SASH1: variants seen among roughly 807,000 people sequenced by gnomAD.
SASH1 encodes the protein SAM and SH3 domain containing 1, also known as SAM and SH3 domain-containing protein 1.
A neutral mutation model predicts 125.2 loss-of-function variants in SASH1; 44 were observed. That is an observed-to-expected ratio of 0.35 (90% CI 0.28 to 0.45). The LOEUF (loss-of-function observed/expected upper bound fraction) is 0.45. Among genes scored for constraint, SASH1 ranks in the 20% least tolerant of loss-of-function variants. The probability of loss-of-function intolerance (pLI) is 1.00; values close to 1 mark genes in which losing one functional copy is unlikely to be tolerated. For synonymous variants in SASH1, 639 were observed against 649.1 expected, an observed-to-expected ratio of 0.98 and a Z score of 0.24; for missense variants, 1,426 against 1,614.5, an observed-to-expected ratio of 0.88 and a Z score of 2.00.
At chr6:148,422,164 C>T (rs1325321668) in intron 2 of SASH1, among the ~76,000 whole-genome samples, 2 of 152,154 alleles carry the variant, frequency 1.3e-5, no homozygotes, top group African/African-American at 4.8e-5. Context: ...GCACCAATGC[C>T]CAAGAATCCC....
rs369843370 is a variant in SASH1, at chr6:148,319,069, G to A, written n.74+46692G>A. Reference sequence around the variant, plus strand: ...TTTTTTTGAGACGGAGTCTGGCTCTGTAGCCCAGGCTGGAGTGCAGTGGCG... The same window carrying A: ...TTTTTTTGAGACGGAGTCTGGCTCTATAGCCCAGGCTGGAGTGCAGTGGCG... On this transcript the variant is annotated intron_variant and non_coding_transcript_variant, in intron 1 of 3. Coordinates refer to the SASH1 transcript ENST00000367469. Among the ~76,000 whole-genome samples, 10 of 106,730 alleles carry A rather than the reference G, an allele frequency of 9.4e-5. No homozygotes were observed. In the East Asian group the frequency reaches 1.9e-3, roughly 20 times the overall value. The allele number at this position is 106,730 out of a possible 152,430, so 70.0% of individuals were successfully genotyped here.
chr6:148,470,183 G>A (rs1355450482), intron 5 of SASH1, among the ~76,000 whole-genome samples: 2 of 152,330 alleles, frequency 1.3e-5, no homozygotes, highest in East Asian at 3.9e-4. Context: ...AAGGCAGTGG[G>A]TGATACAAAA....
chr6:148,421,227 G>GAAAGAAAGAAAGA (rs1215052788), intron 2 of SASH1, among the ~76,000 whole-genome samples: 10 of 151,540 alleles, frequency 6.6e-5, no homozygotes, highest in Admixed American at 6.6e-5. Context: ...AAGAAAGAAA[G>GAAAGAAAGAAAGA]AAGGAAGTGA....
intron 1 of SASH1, among the ~76,000 whole-genome samples, chr6:148,330,822 G>A (rs1780974799): frequency 6.6e-6 from 1 of 152,164 alleles, no homozygotes; most frequent in Non-Finnish European, 1.5e-5. Context: ...CTGACCTCAG[G>A]TGATCTGCCA....
the SASH1 span, among the ~76,000 whole-genome samples, chr6:148,216,398 A>T: frequency 1.4e-4 from 21 of 151,276 alleles, no homozygotes; most frequent in South Asian, 2.1e-3. Flanking sequence ...ATATTTATTT[A>T]TTTTGGTAAC....
At chr6:148,311,181 A>G (rs1024285273) in intron 1 of SASH1, among the ~76,000 whole-genome samples, 7 of 150,184 alleles carry the variant, frequency 4.7e-5, no homozygotes. Flanking sequence ...GTCTCGGCTC[A>G]CTGCAACATC....
At chr6:148,513,985 G>A (rs2115326864) in intron 8 of SASH1, 2 of 1,008,946 alleles carry the variant, frequency 2.0e-6, no homozygotes, top group South Asian at 8.9e-5. Flanking sequence ...AGTGAAACTG[G>A]AATTACAGGG....
intron 4 of SASH1, among the ~76,000 whole-genome samples, chr6:148,457,159 C>G (rs1339931949): frequency 6.6e-6 from 1 of 151,030 alleles, no homozygotes; most frequent in Non-Finnish European, 1.5e-5. Flanking sequence ...GAATAAAAAG[C>G]AGAATTTCAA....
Position 148,345,689 on chromosome 6 carries a change from G to C in SASH1, c.156+2466G>C, listed in dbSNP as rs1582994735. Among the ~76,000 whole-genome samples the C allele has an allele frequency of 2.0e-5, 3 of 152,310 alleles. No homozygotes were observed. The South Asian group carries it at 6.2e-4, about 32-fold the overall frequency. ...ATTAACAGTTGACTTTATTCTCACT[G>C]AAACAAGAGACACCATTTCCTTCCT... On this transcript the variant is annotated intron_variant, in intron 1 of 19. Coordinates refer to ENST00000367467, the MANE Select transcript of SASH1 (RefSeq NM_015278.5).
At chr6:148,496,778 C>T (rs1415297178) in intron 8 of SASH1, among the ~76,000 whole-genome samples, 1 of 151,584 alleles carries the variant, frequency 6.6e-6, no homozygotes. Context: ...AAGGCTGAGT[C>T]GGGAGGATTT....
At chr6:148,446,943 T>G (rs968135434) in intron 4 of SASH1, among the ~76,000 whole-genome samples, 1 of 152,232 alleles carries the variant, frequency 6.6e-6, no homozygotes, top group Non-Finnish European at 1.5e-5. Context: ...AATGCATTGC[T>G]TATGCAAATA....
At chr6:148,234,438 C>T in the SASH1 span, among the ~76,000 whole-genome samples, 4 of 151,952 alleles carry the variant, frequency 2.6e-5, no homozygotes, top group Non-Finnish European at 5.9e-5. Context: ...GAGGTTTCTG[C>T]AAAGCATCTA....
intron 1 of SASH1, among the ~76,000 whole-genome samples, chr6:148,351,715 C>T (rs1322833468): frequency 7.0e-6 from 1 of 143,838 alleles, no homozygotes; most frequent in African/African-American, 2.6e-5. Flanking sequence ...AAAATGTATC[C>T]TAAGCACCCT....
At chr6:148,409,737 C>A (rs536111002) in intron 2 of SASH1, among the ~76,000 whole-genome samples, 4 of 152,120 alleles carry the variant, frequency 2.6e-5, no homozygotes, top group African/African-American at 9.7e-5. Context: ...AGTTCGAGAC[C>A]AGTCTGGCCA....
At chr6:148,243,512 A>G in the SASH1 span, among the ~76,000 whole-genome samples, 6 of 139,520 alleles carry the variant, frequency 4.3e-5, no homozygotes, top group South Asian at 7.0e-4. Context: ...GTGTGGTGGC[A>G]TGTGCCTGTA....
chr6:148,475,332 C>T (rs1346156345), intron 7 of SASH1, among the ~76,000 whole-genome samples: 2 of 152,174 alleles, frequency 1.3e-5, no homozygotes, highest in Non-Finnish European at 2.9e-5. Context: ...AATTTATTGG[C>T]GCATAGCTCT....
intron 2 of SASH1, among the ~76,000 whole-genome samples, chr6:148,423,092 C>G (rs1775643505): frequency 6.6e-6 from 1 of 152,172 alleles, no homozygotes; most frequent in African/African-American, 2.4e-5. Flanking sequence ...GCGCACGCCA[C>G]CACGCCCAGC....
At position 148,548,691 on chromosome 6, in the gene SASH1, G is replaced by A. The variant is rs906438537; in HGVS notation, c.*133G>A. 3.1e-4 allele frequency: 331 copies of A among 1,081,772 alleles called. 3 individuals are homozygous for A. The highest frequency in any genetic ancestry group is 3.3e-4 in the South Asian group (20 of 59,938). 67.0% of individuals were successfully genotyped at this position (1,081,772 alleles called of 1,614,324 possible). ...AAGGCCTGGCGTGTGGCCAAACAGCGTGAAACCTTGGCACAGGACTGAGGA... is the reference window on the plus strand; with the variant it reads ...AAGGCCTGGCGTGTGGCCAAACAGCATGAAACCTTGGCACAGGACTGAGGA... On this transcript the variant is annotated 3_prime_UTR_variant, in exon 20 of 20. Transcript: ENST00000367467.
rs1338779881 is a variant in SASH1, at chr6:148,533,519, G to T, written c.1735-252G>T. Among the ~76,000 whole-genome samples, 2 of 152,160 alleles carry T rather than the reference G, an allele frequency of 1.3e-5. No individual in the cohort carries two copies. The highest frequency in any genetic ancestry group is 3.9e-4 in the East Asian group (2 of 5,166). On this transcript the variant is annotated intron_variant, in intron 14 of 19. Transcript: ENST00000367467. This position sits in a 1 kb window ranked among gnomAD's most constrained non-coding sequence, Gnocchi z 6.2. ...GGGTACCCCAGGCACCCCTGGTTCTGCAGGGCAGGAGGGTGGAGGGGCTGT... is the reference window on the plus strand; with the variant it reads ...GGGTACCCCAGGCACCCCTGGTTCTTCAGGGCAGGAGGGTGGAGGGGCTGT...
Sources: gnomAD v4.1 joint callset for allele counts (sites outside exome capture counted in the v4.1 genomes callset) on GRCh38, gnomAD v4.1.1 for gene constraint, Gnocchi (gnomAD v3.1) non-coding constraint, MANE v1.5 for transcripts, NCBI Gene and HGNC (gene_info 2026-07-23, HGNC 2026-07-21) for gene names.